Variants in PRH1 observed in about 807,000 individuals in gnomAD.
PRH1 encodes the protein proline rich protein HaeIII subfamily 1.
Under a neutral mutation model 7.9 loss-of-function variants are expected in PRH1, and 7 were observed. The observed-to-expected ratio is 0.89, with a 90% CI of 0.50 to 1.67. The LOEUF (loss-of-function observed/expected upper bound fraction) is 1.67. Among genes scored for constraint, PRH1 ranks in the 40% most tolerant of loss-of-function variants. PRH1 has a pLI of 0.00. For missense variants in PRH1, 109 were observed against 223.6 expected (o/e 0.49, Z 3.27); for synonymous variants, 45 against 80.8 (o/e 0.56, Z 2.38).
intron 2 of PRH1, among the ~76,000 whole-genome samples, chr12:10,946,015 G>A (rs1014856800): frequency 1.3e-5 from 2 of 152,008 alleles, no homozygotes; most frequent in Non-Finnish European, 2.9e-5. Context: ...TTTTTTCAAG[G>A]TGCCCAGATT....
intron 2 of PRH1, among the ~76,000 whole-genome samples, chr12:10,954,213 T>A (rs937889562): frequency 6.6e-6 from 1 of 152,192 alleles, no homozygotes; most frequent in African/African-American, 2.4e-5. Flanking sequence ...CCAGTCTGCA[T>A]GATAAGCAGC....
chr12:11,171,593 C>T (rs1289551167), upstream of PRH1: 14 of 1,222,838 alleles, frequency 1.1e-5, no homozygotes, highest in Middle Eastern at 3.1e-4. Context: ...GCCTCCGGGG[C>T]CAGCATGATG....
rs545683448 is a variant in PRH1 at position 10,923,274 on chromosome 12, C to T, written c.-58-38999G>A. ...CTGAGTAGCTGGGATTACAGGCACA[C>T]GCCACCATGCACAGCTAATTTTTTT... On this transcript the variant is annotated intron_variant, in intron 2 of 3. Coordinates refer to the PRH1 transcript ENST00000539853. Among the ~76,000 whole-genome samples the T allele has an allele frequency of 5.0e-4, 76 of 152,068 alleles. No individual in the cohort carries two copies. In the Middle Eastern group the frequency reaches 0.01, roughly 20 times the overall value.
intron 1 of PRH1, among the ~76,000 whole-genome samples, chr12:11,145,484 T>A (rs1400521063): frequency 6.6e-6 from 1 of 152,200 alleles, no homozygotes; most frequent in African/African-American, 2.4e-5. Context: ...TGAGCCACCA[T>A]ACCCAGTCTA....
chr12:11,029,560 A>T (rs1942084046), intron 1 of PRH1, among the ~76,000 whole-genome samples: 1 of 152,292 alleles, frequency 6.6e-6, no homozygotes, highest in South Asian at 2.1e-4. Flanking sequence ...ATACTAAAAT[A>T]ATTTGCATGA....
chr12:10,962,052 G>A (rs185624322), intron 2 of PRH1, among the ~76,000 whole-genome samples: 3 of 152,260 alleles, frequency 2.0e-5, no homozygotes, highest in East Asian at 3.9e-4. Context: ...CCCTGCCATT[G>A]CTGCCCTGGA....
chr12:11,062,857 T>A (rs924327410), intron 1 of PRH1, among the ~76,000 whole-genome samples: 7 of 152,228 alleles, frequency 4.6e-5, no homozygotes, highest in Non-Finnish European at 8.8e-5. Context: ...CAAAAATATC[T>A]AAGATTTTCT....
chr12:10,932,750 A>G (rs1950232211), intron 2 of PRH1, among the ~76,000 whole-genome samples: 1 of 152,118 alleles, frequency 6.6e-6, no homozygotes, highest in Admixed American at 6.5e-5. Context: ...CCTGCCTATG[A>G]TTCTTACCAT....
At chr12:11,137,052 A>C (rs1240664125) in intron 1 of PRH1, among the ~76,000 whole-genome samples, 2 of 152,236 alleles carry the variant, frequency 1.3e-5, no homozygotes, top group East Asian at 3.8e-4. Context: ...AATTGATTTG[A>C]TGTGAGTAGC....
chr12:10,943,850 T>C (rs967090176), intron 2 of PRH1, among the ~76,000 whole-genome samples: 6 of 152,220 alleles, frequency 3.9e-5, no homozygotes, highest in African/African-American at 1.4e-4. Flanking sequence ...AGCTTGTTTT[T>C]GTCAGTTTTG....
chr12:10,936,955 T>A lies in PRH1; in HGVS notation c.-59+36700A>T, dbSNP rs1950298446. Among the ~76,000 whole-genome samples, 3 of 152,130 alleles carry A rather than the reference T, an allele frequency of 2.0e-5. No homozygotes were observed. In the South Asian group the frequency reaches 6.2e-4, roughly 32 times the overall value. On this transcript the variant is annotated intron_variant, in intron 2 of 3. Transcript: ENST00000539853. ...TGTTTAGTAAACAGCCCTCATCTTT[T>A]TTTAAGGGGAGAGGGGAATGTTATT... is the stretch of plus-strand genomic sequence containing the variant.
At chr12:11,101,212 G>C (rs980164523) in intron 1 of PRH1, among the ~76,000 whole-genome samples, 2 of 152,180 alleles carry the variant, frequency 1.3e-5, no homozygotes, top group Non-Finnish European at 2.9e-5. Context: ...TTTTGGGCCA[G>C]GTGTGGTGGC....
intron 2 of PRH1, among the ~76,000 whole-genome samples, chr12:10,924,002 T>TG (rs1358453489): frequency 1.4e-5 from 2 of 141,340 alleles, no homozygotes; most frequent in East Asian, 2.0e-4. Flanking sequence ...TTTTTTTTTT[T>TG]TTTTTTTTTT....
intron 1 of PRH1, among the ~76,000 whole-genome samples, chr12:11,087,579 G>C (rs1263484194): frequency 8.6e-6 from 1 of 116,478 alleles, no homozygotes; most frequent in East Asian, 2.1e-4. Flanking sequence ...TATTATAGCA[G>C]GACCAAAGGG....
chr12:10,995,473 C>G (rs944397555), intron 1 of PRH1, among the ~76,000 whole-genome samples: 2 of 152,102 alleles, frequency 1.3e-5, no homozygotes, highest in Non-Finnish European at 2.9e-5. Context: ...TGTAATAGAA[C>G]TTGCTATTAG....
chr12:11,096,788 GTT>G (rs368210622), intron 1 of PRH1, among the ~76,000 whole-genome samples: 2,298 of 112,730 alleles, frequency 0.02, 715 homozygotes, highest in South Asian at 0.041. Context: ...TGCGGTTTTT[GTT>G]TTTTTTGTTG....
upstream of PRH1, chr12:11,049,076 C>A: frequency 3.5e-6 from 1 of 288,082 alleles, no homozygotes; most frequent in Non-Finnish European, 6.9e-6. Flanking sequence ...ATAATATGAC[C>A]CAGAGTAAAC....
intron 2 of PRH1, among the ~76,000 whole-genome samples, chr12:10,896,533 A>G (rs950090524): frequency 7.9e-5 from 12 of 152,088 alleles, no homozygotes; most frequent in African/African-American, 2.9e-4. Flanking sequence ...AGGCCAAGGC[A>G]GGTGGATCAC....
exon 1 of PRH1, chr12:11,047,156 G>T (rs1359823238): frequency 1.7e-5 from 7 of 424,052 alleles, no homozygotes; most frequent in Middle Eastern, 3.5e-4. Flanking sequence ...TGTCACATGT[G>T]CCCTTGGGGC....
Sources: allele counts gnomAD v4.1 joint callset (sites outside exome capture counted in the v4.1 genomes callset), GRCh38; gene constraint gnomAD v4.1.1; transcripts MANE v1.5; gene names NCBI Gene and HGNC (gene_info 2026-07-23, HGNC 2026-07-21).